Variants in CREB3L3 observed in about 807,000 individuals in gnomAD.
The protein encoded by CREB3L3 is cAMP responsive element binding protein 3 like 3, also known as cyclic AMP-responsive element-binding protein 3-like protein 3.
CREB3L3 carries 40 observed loss-of-function variants against 44.6 expected under a neutral mutation model. The observed-to-expected ratio is 0.90, with a 90% CI of 0.70 to 1.17. The LOEUF (loss-of-function observed/expected upper bound fraction) is 1.17. Ranked by LOEUF, CREB3L3 falls within the 50% of genes most tolerant of loss-of-function variation. The probability of loss-of-function intolerance (pLI) is 0.00; values close to 1 mark genes in which losing one functional copy is unlikely to be tolerated. For synonymous variants in CREB3L3, 273 were observed against 256.3 expected, an observed-to-expected ratio of 1.06 and a Z score of -0.62; for missense variants, 578 against 595.8, an observed-to-expected ratio of 0.97 and a Z score of 0.31.
In CREB3L3 at chr19:4,168,327, C is replaced by T. The variant is rs555472574; in HGVS notation, c.715-24C>T. On this transcript the variant is annotated intron_variant, in intron 5 of 9. Transcript: ENST00000078445. Reference sequence around the variant, plus strand: ...AAGTGGGGACTTTCTGGCCTGAAACCCTCCTCCCCATTTCACTTGGCAGTA... The same window carrying T: ...AAGTGGGGACTTTCTGGCCTGAAACTCTCCTCCCCATTTCACTTGGCAGTA... 2.9e-5 allele frequency: 46 copies of T among 1,594,242 alleles called. No individual in the cohort carries two copies. In the South Asian group the frequency reaches 5.1e-4, roughly 18 times the overall value.
At chr19:4,156,390 T>C (rs1256428558) in intron 2 of CREB3L3, among the ~76,000 whole-genome samples, 6 of 151,746 alleles carry the variant, frequency 4.0e-5, no homozygotes, top group Non-Finnish European at 8.8e-5. Flanking sequence ...TTTCTCCCTG[T>C]TGGTCAGGCT....
chr19:4,164,176 T>C (rs560733546), intron 4 of CREB3L3, among the ~76,000 whole-genome samples: 2 of 152,012 alleles, frequency 1.3e-5, no homozygotes, highest in African/African-American at 2.4e-5. Flanking sequence ...GGTTTCACCA[T>C]GTTGACCAGG....
Position 4,155,008 on chromosome 19 carries a change from G to A in CREB3L3, c.137G>A (p.Trp46Ter), listed in dbSNP as rs2041554006. 6.2e-7 allele frequency: 1 copy of A among 1,609,782 alleles called. No homozygotes were observed. Among genetic ancestry groups the A allele is most frequent in the African/African-American group, 1.3e-5 (1 of 75,070 alleles). Reference protein sequence around the residue: ...ILRHVELGEGWGHVKDQQVLP... With the variant: ...ILRHVELGEG ...AGACACGTGGAGCTGGGCGAGGGCT[G>A]GGGTCACGTCAAGGACCAGGTGAGG... Residue 46 changes from tryptophan (W) to a stop codon, truncating the protein, a stop_gained, in exon 2 of 10, where the codon TGG (tryptophan) becomes TAG (stop). Coordinates refer to ENST00000078445, the MANE Select transcript of CREB3L3 (RefSeq NM_032607.3). LOFTEE classifies it high-confidence loss of function.
intron 6 of CREB3L3, among the ~76,000 whole-genome samples, chr19:4,169,333 A>T (rs1966991820): frequency 6.6e-6 from 1 of 151,764 alleles, no homozygotes; most frequent in Admixed American, 6.6e-5. Context: ...CAAAAAAATT[A>T]ACTGGGCTTG....
chr19:4,164,528 A>G lies in CREB3L3; in HGVS notation c.602A>G (p.Tyr201Cys). The change falls in exon 5 of 10, where the codon TAC becomes TGC. Residue 201 changes from tyrosine to cysteine, a missense_variant. Transcript: ENST00000078445. The part of the protein sequence containing the change: ...DLQQHHLGAS[Y>C]LLRPGAGHCQ... The stretch of plus-strand genomic sequence containing the variant: ...CAACAGCATCACCTGGGGGCCTCCT[A>G]CCTCCTGCGACCTGGGGCTGGGCAC... 1 of 1,613,780 alleles carries G rather than the reference A, an allele frequency of 6.2e-7. No homozygotes were observed. Among genetic ancestry groups the G allele is most frequent in the Non-Finnish European group, 8.5e-7 (1 of 1,179,950 alleles).
intron 4 of CREB3L3, 119 bp from the exon 5 acceptor site, chr19:4,164,384 A>G (rs2041699062): frequency 8.0e-7 from 1 of 1,249,234 alleles, no homozygotes; most frequent in African/African-American, 1.5e-5. Context: ...CTGGGATGAC[A>G]GGCGTGAGCC....
intron 3 of CREB3L3, among the ~76,000 whole-genome samples, 183 bp downstream of exon 3, chr19:4,157,478 C>T (rs373318971): frequency 6.6e-6 from 1 of 152,114 alleles, no homozygotes; most frequent in Non-Finnish European, 1.5e-5. Context: ...CATGCTTTCA[C>T]GTGGATGCTA....
chr19:4,170,861 C>A (rs1211817061), intron 7 of CREB3L3, among the ~76,000 whole-genome samples: 1 of 151,650 alleles, frequency 6.6e-6, no homozygotes, highest in Non-Finnish European at 1.5e-5. Flanking sequence ...CAGTGAGCTG[C>A]CATCCCACCA....
At chr19:4,166,466 AT>A (rs1966909125) in intron 5 of CREB3L3, among the ~76,000 whole-genome samples, 1 of 126,074 alleles carries the variant, frequency 7.9e-6, no homozygotes, top group Admixed American at 9.5e-5. Flanking sequence ...GAGTTTCACC[AT>A]GTTGGCCAGG....
At chr19:4,167,482 A>AAGAGAG (rs1966938846) in intron 5 of CREB3L3, among the ~76,000 whole-genome samples, 1 of 139,148 alleles carries the variant, frequency 7.2e-6, no homozygotes, top group Admixed American at 8.2e-5. Flanking sequence ...AAGAAAAGGA[A>AAGAGAG]AGAAAGAGAG....
intron 4 of CREB3L3, among the ~76,000 whole-genome samples, chr19:4,160,082 G>C (rs1399816136): frequency 6.6e-6 from 1 of 152,010 alleles, no homozygotes; most frequent in Admixed American, 6.6e-5. Flanking sequence ...GATCGCTTGA[G>C]CTCAGGAGTT....
rs904988177 is a variant in CREB3L3 at position 4,157,246 on chromosome 19, C to T, written c.408C>T (p.Thr136=). The T allele has an allele frequency of 6.2e-7, 1 of 1,614,076 alleles. No homozygotes were observed. Among genetic ancestry groups the T allele is most frequent in the African/African-American group, 1.3e-5 (1 of 74,938 alleles). Residue 136 remains threonine (T), a synonymous_variant, in exon 3 of 10, where the codon ACC becomes ACT. Coordinates refer to ENST00000078445, the MANE Select transcript of CREB3L3 (RefSeq NM_032607.3). ...CTGGCAACTCTTGCTCCACCACAACCCCAGGGCCAGTGATCCAAGTACCTG... is the reference window on the plus strand; with the variant it reads ...CTGGCAACTCTTGCTCCACCACAACTCCAGGGCCAGTGATCCAAGTACCTG... The part of the protein sequence containing the change: ...YHPGNSCSTT[T]PGPVIQVPEA...
At chr19:4,160,188 C>G (rs368120039) in intron 4 of CREB3L3, among the ~76,000 whole-genome samples, 1 of 151,198 alleles carries the variant, frequency 6.6e-6, no homozygotes, top group South Asian at 2.1e-4. Context: ...CCCAGCTACT[C>G]GGGAGGCTGA....
At chr19:4,169,613 CAG>C (rs1966998699) in intron 6 of CREB3L3, among the ~76,000 whole-genome samples, 1 of 113,418 alleles carries the variant, frequency 8.8e-6, no homozygotes, top group Admixed American at 1.0e-4. Context: ...TTTTTTGACA[CAG>C]AGTTTCATTC....
intron 3 of CREB3L3, among the ~76,000 whole-genome samples, chr19:4,158,056 A>G (rs1568279058): frequency 1.3e-5 from 2 of 152,118 alleles, no homozygotes; most frequent in Non-Finnish European, 2.9e-5. Context: ...AGACGTGGGG[A>G]ACAGCAGATC....
intron 4 of CREB3L3, 79 bp downstream of exon 4, chr19:4,159,861 T>C: frequency 1.3e-6 from 1 of 776,078 alleles, no homozygotes; most frequent in Admixed American, 1.7e-5. Flanking sequence ...ATATCCCCGT[T>C]TCAGAGACTG....
At chr19:4,166,866 G>T (rs1966917145) in intron 5 of CREB3L3, among the ~76,000 whole-genome samples, 1 of 151,994 alleles carries the variant, frequency 6.6e-6, no homozygotes, top group African/African-American at 2.4e-5. Flanking sequence ...CTATAGGCAT[G>T]CACCACCACA....
intron 5 of CREB3L3, among the ~76,000 whole-genome samples, chr19:4,167,286 T>C (rs1287927100): frequency 6.8e-6 from 1 of 146,608 alleles, no homozygotes; most frequent in African/African-American, 2.5e-5. Flanking sequence ...GAGGTTGCAG[T>C]GAGCTGAGAT....
intron 4 of CREB3L3, among the ~76,000 whole-genome samples, chr19:4,161,314 A>G (rs2041660793): frequency 6.6e-6 from 1 of 151,686 alleles, no homozygotes; most frequent in Admixed American, 6.6e-5. Context: ...GGGTCTTGCT[A>G]TGTTTCCCAG....
Sources: gnomAD v4.1 joint callset for allele counts (sites outside exome capture counted in the v4.1 genomes callset) on GRCh38, gnomAD v4.1.1 for gene constraint, MANE v1.5 for transcripts, NCBI Gene and HGNC (gene_info 2026-07-23, HGNC 2026-07-21) for gene names.